Variants in CC2D1B observed in about 807,000 individuals in gnomAD.
CC2D1B encodes coiled-coil and C2 domain containing 1B.
Under a neutral mutation model 110.8 loss-of-function variants are expected in CC2D1B, and 92 were observed. That is an observed-to-expected ratio of 0.83 (90% confidence interval 0.70 to 0.99). CC2D1B has a LOEUF of 0.99. CC2D1B is among the 50% of genes least tolerant of loss of function. The probability of loss-of-function intolerance (pLI) is 0.00; values close to 1 mark genes in which losing one functional copy is unlikely to be tolerated. For synonymous variants in CC2D1B, 406 were observed against 429.2 expected (o/e 0.95, Z 0.67); for missense variants, 1,136 against 1,089.0 (o/e 1.04, Z -0.61).
At position 52,355,626 on chromosome 1, in the gene CC2D1B, C is replaced by T. The variant is rs548592517; in HGVS notation, c.2169G>A (p.Glu723=). Residue 723 remains glutamate (E), a synonymous_variant, in exon 20 of 25, where the codon GAG becomes GAA. Coordinates refer to ENST00000284376, the MANE Select transcript of CC2D1B (RefSeq NM_001330585.2). ...PDDLDAFVRF[E]FHYPNSDQAQ... The stretch of plus-strand genomic sequence containing the variant: ...ACCTCACCGAGTTAGGGTAGTGAAA[C>T]TCAAACCGCACAAAAGCATCCAGGT... 6.2e-7 allele frequency: 1 copy of T among 1,614,194 alleles called. No homozygotes were observed. Among genetic ancestry groups the T allele is most frequent in the South Asian group, 1.1e-5 (1 of 91,080 alleles).
intron 18 of CC2D1B, 63 bp from the exon 19 acceptor site, chr1:52,355,907 T>C: frequency 6.5e-7 from 1 of 1,542,188 alleles, no homozygotes; most frequent in Non-Finnish European, 9.0e-7. Context: ...ACAAGGTCCC[T>C]TCGTCCAGGG....
Position 52,355,798 on chromosome 1 carries a change from G to C in CC2D1B, c.2101C>G (p.Arg701Gly). 1 of 1,614,100 alleles carries C rather than the reference G, an allele frequency of 6.2e-7. No individual in the cohort carries two copies. The highest frequency in any genetic ancestry group is 2.2e-5 in the East Asian group (1 of 44,882). Residue 701 changes from arginine (R) to glycine (G), a missense_variant, in exon 19 of 25, where the codon CGG (arginine) becomes GGG (glycine). Arg to Gly is a moderately radical substitution (Grantham distance 125). Transcript: ENST00000284376. ...GGAGGGGCTGGGAGGTTCATTCCCCGGACAATGATCAGATGCATTTCTGTG... is the reference window on the plus strand; with the variant it reads ...GGAGGGGCTGGGAGGTTCATTCCCCCGACAATGATCAGATGCATTTCTGTG... ...NSTEMHLIIV[R>G]GMNLPAPPGV...
chr1:52,356,150 C>T, intron 18 of CC2D1B, 36 bp downstream of exon 18: 1 of 1,550,518 alleles, frequency 6.4e-7, no homozygotes, highest in Non-Finnish European at 8.9e-7. Flanking sequence ...CCTGCCCCTC[C>T]CTGCCTGGAG....
At position 52,359,733 on chromosome 1, in the gene CC2D1B, C is replaced by T. The variant is rs148868857; in HGVS notation, c.914G>A (p.Arg305His). The change falls in exon 8 of 25, where the codon CGT becomes CAT. Residue 305 changes from arginine to histidine, a missense_variant. By Grantham distance (29) the Arg-to-His change is conservative. Coordinates refer to ENST00000284376, the MANE Select transcript of CC2D1B (RefSeq NM_001330585.2). The part of the protein sequence containing the change: ...LSAKRAGELD[R>H]ARELMRIGKR... ...CCCAATCCTCATGAGCTCTCGGGCA[C>T]GGTCTAGCTCTCCAGCCCGCTTGGC... 35 of 1,607,646 alleles carry T rather than the reference C, an allele frequency of 2.2e-5. No homozygotes were observed. Among genetic ancestry groups the T allele is most frequent in the East Asian group, 2.0e-4 (9 of 44,538 alleles).
chr1:52,358,063 C>T lies in CC2D1B; in HGVS notation c.1462-165G>A, dbSNP rs1227557766. 4.7e-6 allele frequency: 5 copies of T among 1,069,560 alleles called. No individual in the cohort carries two copies. The East Asian group carries it at 8.0e-5, about 17-fold the overall frequency. 66.3% of individuals were successfully genotyped at this position (1,069,560 alleles called of 1,614,324 possible). ...AAAAGATCTGAGAGCTAGAAGCAGC[C>T]TCAGAAGCTCTCACATCTAACCTCC... On this transcript the variant is annotated intron_variant, in intron 13 of 24. Coordinates refer to ENST00000284376, the MANE Select transcript of CC2D1B (RefSeq NM_001330585.2).
At chr1:52,361,164 G>A in intron 4 of CC2D1B, 32 bp from the exon 5 acceptor site, 3 of 1,613,212 alleles carry the variant, frequency 1.9e-6, no homozygotes, top group Non-Finnish European at 2.5e-6. Context: ...CAGGAGCTTG[G>A]GGGCCTCAAG....
rs1359076837 is a variant in CC2D1B, at chr1:52,351,946, A to C, written c.*1279T>G. On this transcript the variant is annotated 3_prime_UTR_variant, in exon 25 of 25. Transcript: ENST00000284376. ...ATGGGGAAAAAAGTCACTTGTGTGT[A>C]GTTCCCGCTCTGTGACCCACTAAAA... The C allele has an allele frequency of 6.6e-6, 1 of 151,458 alleles. No individual in the cohort carries two copies. The highest frequency in any genetic ancestry group is 1.9e-4 in the East Asian group (1 of 5,162). 9.4% of individuals were successfully genotyped at this position (151,458 alleles called of 1,614,324 possible). A position where few individuals can be genotyped will look rare whatever the true frequency, so the allele number is the denominator to read the frequency against.
intron 13 of CC2D1B, 167 bp downstream of exon 13, chr1:52,358,164 T>C (rs1398343925): frequency 7.9e-6 from 8 of 1,013,294 alleles, no homozygotes; most frequent in Middle Eastern, 6.1e-4. Flanking sequence ...GTTTGAATCC[T>C]AGTTCTGCTA....
chr1:52,357,302 C>T, intron 15 of CC2D1B, 176 bp from the exon 16 acceptor site: 1 of 932,568 alleles, frequency 1.1e-6, no homozygotes, highest in Non-Finnish European at 1.6e-6. Flanking sequence ...ATGGCCTGGC[C>T]CAGCCTTGTC....
intron 4 of CC2D1B, 129 bp downstream of exon 4, chr1:52,361,384 C>G: frequency 6.6e-7 from 1 of 1,508,180 alleles, no homozygotes. Flanking sequence ...CACTGTACAG[C>G]CAGGAGGGGC....
chr1:52,361,363 GAC>G (rs2147895793), intron 4 of CC2D1B, 148 bp downstream of exon 4: 1 of 1,397,226 alleles, frequency 7.2e-7, no homozygotes, highest in Admixed American at 2.1e-5. Flanking sequence ...AAGTCAAAGA[GAC>G]ACGCCACCCA....
intron 3 of CC2D1B, 132 bp from the exon 4 acceptor site, chr1:52,361,748 G>A: frequency 8.8e-7 from 1 of 1,136,904 alleles, no homozygotes; most frequent in South Asian, 1.4e-5. Context: ...CTGGAAAACT[G>A]CTCTTCCTTT....
At chr1:52,362,048 G>T (rs887244267) in intron 3 of CC2D1B, among the ~76,000 whole-genome samples, 2 of 152,224 alleles carry the variant, frequency 1.3e-5, no homozygotes, top group Admixed American at 1.3e-4. Context: ...GGCAGAGCTA[G>T]GATTCAAACC....
intron 2 of CC2D1B, among the ~76,000 whole-genome samples, chr1:52,363,267 C>T (rs1009028117): frequency 2.6e-5 from 4 of 151,960 alleles, no homozygotes; most frequent in African/African-American, 7.2e-5. Context: ...CGGTGGCGGG[C>T]GCCTGTAGTC....
In CC2D1B at chr1:52,362,588, G is replaced by T; in HGVS notation, c.214+14C>A. ...TTGTCCCAGCACCAAGACCAGCCCT[G>T]TGTCCAAACTCACCCTGCCCCTTGG... is the stretch of plus-strand genomic sequence containing the variant. On this transcript the variant is annotated intron_variant, in intron 3 of 24. Coordinates refer to ENST00000284376, the MANE Select transcript of CC2D1B (RefSeq NM_001330585.2). The T allele has an allele frequency of 6.2e-7, 1 of 1,614,126 alleles. No individual in the cohort carries two copies. The highest frequency in any genetic ancestry group is 8.5e-7 in the Non-Finnish European group (1 of 1,179,994).
chr1:52,356,720 GGTGGCAGTTCA>G, intron 16 of CC2D1B: 2 of 599,610 alleles, frequency 3.3e-6, no homozygotes, highest in South Asian at 4.2e-5. Context: ...TTCCAGAACA[GGTGGCAGTTCA>G]GATAGATAAA....
Position 52,352,070 on chromosome 1 carries a change from T to C in CC2D1B, c.*1155A>G, listed in dbSNP as rs921783541. The C allele has an allele frequency of 6.6e-5, 10 of 152,204 alleles. No individual in the cohort carries two copies. The highest frequency in any genetic ancestry group is 2.2e-4 in the African/African-American group (9 of 41,522). The allele number at this position is 152,204 out of a possible 1,614,324, so 9.4% of individuals were successfully genotyped here. On this transcript the variant is annotated 3_prime_UTR_variant, in exon 25 of 25. Transcript: ENST00000284376. Reference sequence around the variant, plus strand: ...CTTGAGCTGTGCTTATGCAATACTATAGTGATCAGTAAGCTGAATGTATTT... The same window carrying C: ...CTTGAGCTGTGCTTATGCAATACTACAGTGATCAGTAAGCTGAATGTATTT...
chr1:52,357,403 C>T, intron 15 of CC2D1B, 123 bp downstream of exon 15: 1 of 1,096,068 alleles, frequency 9.1e-7, no homozygotes, highest in Non-Finnish European at 1.3e-6. Context: ...TCTTTCCCAG[C>T]TGTCATCATG....
intron 4 of CC2D1B, 94 bp downstream of exon 4, chr1:52,361,419 T>C (rs973809979): frequency 1.3e-5 from 21 of 1,577,190 alleles, no homozygotes; most frequent in Non-Finnish European, 1.7e-5. Context: ...AGTCAGAGAA[T>C]ACAGGGGCAC....
Sources: allele counts gnomAD v4.1 joint callset (sites outside exome capture counted in the v4.1 genomes callset), GRCh38; gene constraint gnomAD v4.1.1; transcripts MANE v1.5; gene names NCBI Gene and HGNC (gene_info 2026-07-23, HGNC 2026-07-21).